MCCC2: variants seen among roughly 807,000 people sequenced by gnomAD.
MCCC2 encodes methylcrotonyl-CoA carboxylase subunit 2, also known as methylcrotonoyl-CoA carboxylase beta chain, mitochondrial.
Under a neutral mutation model 77.2 loss-of-function variants are expected in MCCC2, and 52 were observed. The observed-to-expected ratio is 0.67, with a 90% CI of 0.54 to 0.85. The LOEUF (loss-of-function observed/expected upper bound fraction) is 0.85. MCCC2 is among the 40% of genes least tolerant of loss of function. The pLI is 0.00. For missense variants in MCCC2, 682 were observed against 703.2 expected (o/e 0.97, Z 0.34); for synonymous variants, 253 against 248.4 (o/e 1.02, Z -0.18).
intron 15 of MCCC2, 118 bp from the exon 16 acceptor site, chr5:71,652,551 C>A: frequency 2.5e-6 from 2 of 794,126 alleles, no homozygotes; most frequent in Non-Finnish European, 4.4e-6. Flanking sequence ...CATCACTATG[C>A]ACATGTTAGA....
chr5:71,621,503 A>T (rs993009501), intron 6 of MCCC2, among the ~76,000 whole-genome samples: 2 of 152,128 alleles, frequency 1.3e-5, no homozygotes. Context: ...CTGAGGTGGG[A>T]GGATCTCTTG....
rs372167471 is a variant in MCCC2 at position 71,653,628 on chromosome 5, T to C, written c.1574+874T>C. 1.6e-3 allele frequency among the ~76,000 whole-genome samples: 241 copies of C among 152,178 alleles called. 1 individual carries two copies. The highest frequency in any genetic ancestry group is 5.6e-3 in the African/African-American group (231 of 41,510). ...ATTTTGAGAGGCCAGGGCGGGCAGA[T>C]TGCTTGAGCCCAGGAGTTCGAAACT... On this transcript the variant is annotated intron_variant, in intron 16 of 16. Coordinates refer to ENST00000340941, the MANE Select transcript of MCCC2 (RefSeq NM_022132.5).
Position 71,605,044 on chromosome 5 carries a change from G to A in MCCC2, c.624+576G>A, listed in dbSNP as rs1418855015. On this transcript the variant is annotated intron_variant, in intron 6 of 16. Coordinates refer to ENST00000340941, the MANE Select transcript of MCCC2 (RefSeq NM_022132.5). ...GTGAATAATGCCGCAATAAACATAC[G>A]TGTGCATGTGTCTTTATAGCAGCAT... Among the ~76,000 whole-genome samples, 3 of 86,268 alleles carry A rather than the reference G, an allele frequency of 3.5e-5. No homozygotes were observed. In the East Asian group the frequency reaches 1.0e-3, roughly 29 times the overall value. 56.6% of individuals were successfully genotyped at this position (86,268 alleles called of 152,430 possible).
rs796051989 is a variant in MCCC2, at chr5:71,592,986, A to C, written c.190A>C (p.Lys64Gln). The C allele has an allele frequency of 1.6e-5, 25 of 1,611,612 alleles. No individual in the cohort carries two copies. The highest frequency in any genetic ancestry group is 2.0e-5 in the Non-Finnish European group (24 of 1,177,878). Residue 64 changes from lysine (K) to glutamine (Q), a missense_variant, in exon 2 of 17, where the codon AAA becomes CAA. Physicochemically the swap from Lys to Gln is moderately conservative, Grantham distance 53. Transcript: ENST00000340941. ...NQLHERVEHI[K>Q]LGGGEKARAL... ...GCTCCATGAACGAGTGGAGCATATA[A>C]AACTAGGTAAACACAGCATTTATTC...
At chr5:71,609,879 C>T (rs1202260836) in intron 6 of MCCC2, among the ~76,000 whole-genome samples, 24 of 152,056 alleles carry the variant, frequency 1.6e-4, no homozygotes, top group South Asian at 1.0e-3. Flanking sequence ...TTAGGCTGCT[C>T]GGGGGTCAGG....
rs1747106985 is a variant in MCCC2, at chr5:71,641,003, G to A, written c.1000G>A (p.Val334Ile). The A allele has an allele frequency of 6.2e-7, 1 of 1,613,780 alleles. No individual in the cohort carries two copies. Among genetic ancestry groups the A allele is most frequent in the African/African-American group, 1.3e-5 (1 of 75,002 alleles). Residue 334 changes from valine (V) to isoleucine (I), a missense_variant and splice_region_variant, in exon 11 of 17, where the codon GTC becomes ATC. Physicochemically the swap from Val to Ile is conservative, Grantham distance 29. Coordinates refer to ENST00000340941, the MANE Select transcript of MCCC2 (RefSeq NM_022132.5). ...AGGCCATTGTTGTTTTTCCTCTTAG[G>A]TCATTGCTAGAATCGTGGATGGAAG... ...NLKRSFDVRE[V>I]IARIVDGSRF...
intron 8 of MCCC2, among the ~76,000 whole-genome samples, chr5:71,633,127 A>ATTTTTTTTTTT (rs1440841730): frequency 0.015 from 976 of 63,582 alleles, 51 homozygotes; most frequent in Admixed American, 0.034. Flanking sequence ...ATATATATAT[A>ATTTTTTTTTTT]TATATTTTTA....
intron 6 of MCCC2, among the ~76,000 whole-genome samples, chr5:71,610,090 T>A (rs1482017519): frequency 6.6e-6 from 1 of 152,258 alleles, no homozygotes; most frequent in African/African-American, 2.4e-5. Context: ...TGTGGTGGGC[T>A]CCACCCAGTT....
At chr5:71,654,491 G>A (rs542604354) in intron 16 of MCCC2, among the ~76,000 whole-genome samples, 1 of 152,052 alleles carries the variant, frequency 6.6e-6, no homozygotes, top group African/African-American at 2.4e-5. Flanking sequence ...ATGGAAAGAA[G>A]CAATAGAAAG....
intron 3 of MCCC2, 125 bp from the exon 4 acceptor site, chr5:71,599,534 T>C: frequency 2.6e-6 from 2 of 755,640 alleles, no homozygotes; most frequent in South Asian, 3.0e-5. Flanking sequence ...ATAGATTTTA[T>C]ATACAACATG....
At chr5:71,607,722 A>T (rs112826432) in intron 6 of MCCC2, among the ~76,000 whole-genome samples, 2 of 149,940 alleles carry the variant, frequency 1.3e-5, no homozygotes, top group African/African-American at 4.9e-5. Context: ...TTAGTGCTAT[A>T]AATTTCCCTC....
intron 10 of MCCC2, 21 bp from the exon 11 acceptor site, chr5:71,640,982 C>T: frequency 6.2e-7 from 1 of 1,605,356 alleles, no homozygotes; most frequent in Non-Finnish European, 8.5e-7. Flanking sequence ...TTCTCAAGGC[C>T]ATTGTTGTTT....
Position 71,626,686 on chromosome 5 carries a change from C to T in MCCC2, c.671C>T (p.Pro224Leu), listed in dbSNP as rs1195601465. The T allele has an allele frequency of 3.1e-6, 5 of 1,614,028 alleles. No individual in the cohort carries two copies. Among genetic ancestry groups the T allele is most frequent in the Non-Finnish European group, 3.4e-6 (4 of 1,180,030 alleles). The change falls in exon 7 of 17, where the codon CCT becomes CTT. Residue 224 changes from proline to leucine, a missense_variant. By Grantham distance (98) the Pro-to-Leu change is moderately conservative. Transcript: ENST00000340941. Reference protein sequence around the residue: ...GSCTAGGAYVPAMADENIIVR... With the variant: ...GSCTAGGAYVLAMADENIIVR... ...TGCACCGCAGGAGGAGCCTATGTGCCTGCCATGGCTGATGAAAACATCATT... is the reference window on the plus strand; with the variant it reads ...TGCACCGCAGGAGGAGCCTATGTGCTTGCCATGGCTGATGAAAACATCATT...
chr5:71,644,248 T>C (rs765434363), intron 12 of MCCC2, among the ~76,000 whole-genome samples: 1 of 152,200 alleles, frequency 6.6e-6, no homozygotes, highest in Non-Finnish European at 1.5e-5. Context: ...ATATTCTCAG[T>C]TGATAGAGAA....
At chr5:71,604,705 A>G (rs1020861444) in intron 6 of MCCC2, among the ~76,000 whole-genome samples, 22 of 151,636 alleles carry the variant, frequency 1.5e-4, no homozygotes, top group Non-Finnish European at 2.4e-4. Flanking sequence ...AGCATTAGGT[A>G]TATCTCCCAA....
intron 6 of MCCC2, among the ~76,000 whole-genome samples, chr5:71,621,777 T>A (rs562059207): frequency 2.0e-5 from 3 of 151,568 alleles, no homozygotes; most frequent in African/African-American, 7.3e-5. Flanking sequence ...AATGTGAGGA[T>A]GGTTAATGGA....
chr5:71,587,620 C>G (rs1310197207), intron 1 of MCCC2, 66 bp downstream of exon 1: 4 of 1,518,060 alleles, frequency 2.6e-6, no homozygotes, highest in Non-Finnish European at 2.6e-6. Flanking sequence ...AGGAGGGGCA[C>G]GCTTCAACAA....
chr5:71,633,131 A>ATATTTTTTTTTTAT (rs1554137344), intron 8 of MCCC2, among the ~76,000 whole-genome samples: 16 of 78,076 alleles, frequency 2.0e-4, no homozygotes, highest in Admixed American at 7.0e-4. Flanking sequence ...ATATATATAT[A>ATATTTTTTTTTTAT]TTTTTATTTT....
chr5:71,623,655 C>A (rs560151313), intron 6 of MCCC2, among the ~76,000 whole-genome samples: 1 of 152,180 alleles, frequency 6.6e-6, no homozygotes. Flanking sequence ...CTGGACCCAC[C>A]ACATATTCAA....
Sources: allele counts gnomAD v4.1 joint callset (sites outside exome capture counted in the v4.1 genomes callset), GRCh38; gene constraint gnomAD v4.1.1; transcripts MANE v1.5; gene names NCBI Gene and HGNC (gene_info 2026-07-23, HGNC 2026-07-21).